The following GATB variants were observed in gnomAD, a reference collection of about 807,000 sequenced individuals.
GATB encodes the protein glutamyl-tRNA(Gln) amidotransferase subunit B, mitochondrial.
Under a neutral mutation model 62.3 loss-of-function variants are expected in GATB, and 39 were observed. The ratio of observed to expected loss-of-function variants is 0.63; its 90% CI spans 0.48 to 0.82. GATB has a LOEUF of 0.82. Ranked by LOEUF, GATB falls within the 40% of genes least tolerant of loss-of-function variation. GATB has a pLI of 0.00. For synonymous variants in GATB, 276 were observed against 258.9 expected, an observed-to-expected ratio of 1.07 and a Z score of -0.63; for missense variants, 670 against 684.0, an observed-to-expected ratio of 0.98 and a Z score of 0.23.
chr4:151,754,227 C>CTCTTG (rs1268008741), intron 2 of GATB, among the ~76,000 whole-genome samples: 1 of 152,144 alleles, frequency 6.6e-6, no homozygotes, highest in Non-Finnish European at 1.5e-5. Context: ...CTTGCAATGC[C>CTCTTG]CATATTCAAA....
chr4:151,728,637 G>C (rs1166919728), intron 2 of GATB, among the ~76,000 whole-genome samples: 1 of 152,024 alleles, frequency 6.6e-6, no homozygotes, highest in East Asian at 1.9e-4. Flanking sequence ...TTACTCAAGA[G>C]ACTCTACACC....
intron 2 of GATB, among the ~76,000 whole-genome samples, chr4:151,737,920 G>A (rs1739410060): frequency 6.6e-6 from 1 of 152,176 alleles, no homozygotes; most frequent in African/African-American, 2.4e-5. Context: ...ATGCCTGGAT[G>A]TCCAGGCAAA....
intron 2 of GATB, among the ~76,000 whole-genome samples, chr4:151,727,694 T>C (rs1739163690): frequency 6.6e-6 from 1 of 152,200 alleles, no homozygotes; most frequent in African/African-American, 2.4e-5. Flanking sequence ...CCATGTTATC[T>C]TGCACAAATT....
chr4:151,736,560 T>C (rs1339948174), intron 2 of GATB, among the ~76,000 whole-genome samples: 1 of 152,228 alleles, frequency 6.6e-6, no homozygotes, highest in Non-Finnish European at 1.5e-5. Context: ...CTAAGTTATG[T>C]CAGGATAGTA....
chr4:151,701,839 T>A (rs1260034400), intron 8 of GATB, among the ~76,000 whole-genome samples: 1 of 152,240 alleles, frequency 6.6e-6, no homozygotes, highest in Non-Finnish European at 1.5e-5. Context: ...TGTGTGTTGC[T>A]TCACAACGGC....
chr4:151,740,389 C>T (rs961252741), intron 2 of GATB, among the ~76,000 whole-genome samples: 5 of 152,200 alleles, frequency 3.3e-5, no homozygotes, highest in Non-Finnish European at 5.9e-5. Flanking sequence ...ATGGCTCCTA[C>T]GCTACTAACC....
At chr4:151,727,679 A>G (rs1739163438) in intron 2 of GATB, among the ~76,000 whole-genome samples, 1 of 152,206 alleles carries the variant, frequency 6.6e-6, no homozygotes, top group Non-Finnish European at 1.5e-5. Context: ...TACTCCTCAC[A>G]CTAGCCATGT....
At chr4:151,701,846 C>T (rs1181330207) in intron 8 of GATB, among the ~76,000 whole-genome samples, 6 of 152,168 alleles carry the variant, frequency 3.9e-5, no homozygotes, top group Non-Finnish European at 5.9e-5. Flanking sequence ...TGCTTCACAA[C>T]GGCGATATGT....
Position 151,708,238 on chromosome 4 carries a change from C to T in GATB, c.764-137G>A, listed in dbSNP as rs189674637. ...TAGCAGCCTAACTTCAGAGAAGGCA[C>T]GGTTGGTTCTGAAGTAGGTCGTGGC... On this transcript the variant is annotated intron_variant, in intron 5 of 12. Coordinates refer to ENST00000263985, the MANE Select transcript of GATB (RefSeq NM_004564.3). 793 of 638,518 alleles carry T rather than the reference C, an allele frequency of 1.2e-3. 7 individuals carry two copies. In the African/African-American group the frequency reaches 0.013, roughly 10 times the overall value. The allele number at this position is 638,518 out of a possible 1,614,324, so 39.6% of individuals were successfully genotyped here.
At chr4:151,696,715 T>C (rs1738476866) in intron 9 of GATB, among the ~76,000 whole-genome samples, 1 of 152,240 alleles carries the variant, frequency 6.6e-6, no homozygotes, top group African/African-American at 2.4e-5. Flanking sequence ...GGCAGCCTTT[T>C]CTAGGCTGCT....
chr4:151,698,441 G>A (rs182214400), intron 9 of GATB, among the ~76,000 whole-genome samples: 100 of 152,258 alleles, frequency 6.6e-4, no homozygotes, highest in Middle Eastern at 6.8e-3. Context: ...CAAAGACAGA[G>A]AGCACAGAGT....
Position 151,670,950 on chromosome 4 carries a change from G to A in GATB, c.*224C>T. ...TGCAGCCTCACCGGACCCTCCTGAT[G>A]TGGATGAAGCAGGCGGGGTGGCTGC... On this transcript the variant is annotated 3_prime_UTR_variant, in exon 13 of 13. Coordinates refer to ENST00000263985, the MANE Select transcript of GATB (RefSeq NM_004564.3). The A allele has an allele frequency of 1.8e-6, 1 of 542,644 alleles. No individual in the cohort carries two copies. The highest frequency in any genetic ancestry group is 3.3e-6 in the Non-Finnish European group (1 of 304,938). 33.6% of individuals were successfully genotyped at this position (542,644 alleles called of 1,614,324 possible). A position where few individuals can be genotyped will look rare whatever the true frequency, so the allele number is the denominator to read the frequency against.
chr4:151,748,356 A>G lies in GATB; in HGVS notation c.327+10416T>C, dbSNP rs538755521. Among the ~76,000 whole-genome samples, 700 of 152,008 alleles carry G rather than the reference A, an allele frequency of 4.6e-3. 7 individuals carry two copies. The highest frequency in any genetic ancestry group is 0.015 in the African/African-American group (631 of 41,468). ...ACAGAACAGAGCCCTCAGAAATAAT[A>G]CCACATCTACAACTATCTGATCTTT... On this transcript the variant is annotated intron_variant, in intron 2 of 12. Transcript: ENST00000263985.
Position 151,735,485 on chromosome 4 carries a change from C to T in GATB, c.328-15947G>A, listed in dbSNP as rs566334295. Among the ~76,000 whole-genome samples, 329 of 151,824 alleles carry T rather than the reference C, an allele frequency of 2.2e-3. 1 individual carries two copies. The highest frequency in any genetic ancestry group is 7.7e-3 in the African/African-American group (318 of 41,362). Reference sequence around the variant, plus strand: ...CAGCAATCAGGGAACACTTCTACACCGCTGGTGGGAATGTAAACTAGTACA... The same window carrying T: ...CAGCAATCAGGGAACACTTCTACACTGCTGGTGGGAATGTAAACTAGTACA... On this transcript the variant is annotated intron_variant, in intron 2 of 12. Coordinates refer to ENST00000263985, the MANE Select transcript of GATB (RefSeq NM_004564.3).
intron 1 of GATB, among the ~76,000 whole-genome samples, chr4:151,760,118 A>C (rs1316029178): frequency 1.3e-5 from 2 of 152,246 alleles, no homozygotes; most frequent in Non-Finnish European, 2.9e-5. Flanking sequence ...GAAAGTAAAA[A>C]TAATGCCAAC....
intron 2 of GATB, among the ~76,000 whole-genome samples, chr4:151,733,677 T>C (rs1739313096): frequency 6.6e-6 from 1 of 152,112 alleles, no homozygotes; most frequent in South Asian, 2.1e-4. Flanking sequence ...ATATCCTCGA[T>C]GAATGATAGA....
intron 1 of GATB, 149 bp downstream of exon 1, chr4:151,760,658 T>C: frequency 1.9e-5 from 11 of 587,174 alleles, no homozygotes; most frequent in Non-Finnish European, 2.8e-5. Flanking sequence ...CTGTTTGTGC[T>C]TTTATTTAGG....
At chr4:151,757,694 G>A (rs1354625577) in intron 2 of GATB, among the ~76,000 whole-genome samples, 2 of 152,002 alleles carry the variant, frequency 1.3e-5, no homozygotes, top group Non-Finnish European at 2.9e-5. Context: ...AGCCAGGATG[G>A]TCTCGATCTC....
In GATB at chr4:151,735,757, T is replaced by TATATATATATATATATATA. The variant is rs1186195836; in HGVS notation, c.328-16220_328-16219insTATATATATATATATATAT. Among the ~76,000 whole-genome samples, 233 of 136,202 alleles carry TATATATATATATATATATA rather than the reference T, an allele frequency of 1.7e-3. 1 individual carries two copies. The highest frequency in any genetic ancestry group is 3.8e-3 in the Middle Eastern group (1 of 266). 89.4% of individuals were successfully genotyped at this position (136,202 alleles called of 152,430 possible). The stretch of plus-strand genomic sequence containing the variant: ...TGGTGTATATATATATATATATATA[T>TATATATATATATATATATA]GATGGAATACTACTCAGCCATAAAA... On this transcript the variant is annotated intron_variant, in intron 2 of 12. Coordinates refer to ENST00000263985, the MANE Select transcript of GATB (RefSeq NM_004564.3).
Sources: allele counts gnomAD v4.1 joint callset (sites outside exome capture counted in the v4.1 genomes callset), GRCh38; gene constraint gnomAD v4.1.1; transcripts MANE v1.5; gene names NCBI Gene and HGNC (gene_info 2026-07-23, HGNC 2026-07-21).